The following RUNDC3B variants were observed in gnomAD, a reference collection of about 807,000 sequenced individuals.
RUNDC3B encodes the protein RUN domain-containing protein 3B.
RUNDC3B carries 33 observed loss-of-function variants against 58.4 expected under a neutral mutation model. The observed-to-expected ratio is 0.56, with a 90% CI of 0.43 to 0.75. The LOEUF (loss-of-function observed/expected upper bound fraction) is 0.75, where lower values mean the gene tolerates loss of function less well. Ranked by LOEUF, RUNDC3B falls within the 30% of genes least tolerant of loss-of-function variation. RUNDC3B has a pLI of 0.00. For missense variants in RUNDC3B, 501 were observed against 535.7 expected, an observed-to-expected ratio of 0.94 and a Z score of 0.64; for synonymous variants, 193 against 195.2, an observed-to-expected ratio of 0.99 and a Z score of 0.10.
chr7:87,739,791 G>A lies in RUNDC3B; in HGVS notation c.459G>A (p.Arg153=), dbSNP rs142112413. 1 of 1,511,372 alleles carries A rather than the reference G, an allele frequency of 6.6e-7. No homozygotes were observed. Among genetic ancestry groups the A allele is most frequent in the South Asian group, 1.2e-5 (1 of 84,164 alleles). 93.6% of individuals were successfully genotyped at this position (1,511,372 alleles called of 1,614,324 possible). The change falls in exon 5 of 11, where the codon AGG becomes AGA. Residue 153 remains arginine, a splice_region_variant and synonymous_variant. Transcript: ENST00000394654. The part of the protein sequence containing the change: ...STALRDFKTT[R]RFYEDGAIVL... ...TATATTCACCCATTTCATTTTTTAG[G>A]AGATTTTATGAAGATGGAGCAATTG...
At chr7:87,632,379 G>T (rs1821310564) in intron 1 of RUNDC3B, among the ~76,000 whole-genome samples, 1 of 152,152 alleles carries the variant, frequency 6.6e-6, no homozygotes, top group Non-Finnish European at 1.5e-5. Flanking sequence ...TTGTATATGT[G>T]TATGTAATTC....
chr7:87,740,238 C>T (rs750541654), intron 5 of RUNDC3B, among the ~76,000 whole-genome samples: 29 of 151,938 alleles, frequency 1.9e-4, no homozygotes, highest in Non-Finnish European at 3.8e-4. Context: ...AAAGTAGTTT[C>T]AAAGCCAGAA....
chr7:87,639,708 C>T (rs903576541), intron 1 of RUNDC3B, among the ~76,000 whole-genome samples: 1 of 151,988 alleles, frequency 6.6e-6, no homozygotes, highest in South Asian at 2.1e-4. Context: ...GTTATAATAG[C>T]TTTCTTTTAG....
Position 87,628,580 on chromosome 7 carries a change from C to CGTGTGTGTGTGTGTGT in RUNDC3B, c.-241_-240insTGTGTGTGTGTGTGTG, listed in dbSNP as rs1430415147. 8 of 292,474 alleles carry CGTGTGTGTGTGTGTGT rather than the reference C, an allele frequency of 2.7e-5. No individual in the cohort carries two copies. Among genetic ancestry groups the CGTGTGTGTGTGTGTGT allele is most frequent in the African/African-American group, 2.5e-4 (8 of 31,532 alleles). 18.1% of individuals were successfully genotyped at this position (292,474 alleles called of 1,614,324 possible). ...GCGCCGAGGGCGGAGGTGGTGCGTG[C>CGTGTGTGTGTGTGTGT]GTGCGTGTGTGTGTGTGTGTGTGTG... is the stretch of plus-strand genomic sequence containing the variant. On this transcript the variant is annotated 5_prime_UTR_variant, in exon 1 of 11. Transcript: ENST00000394654.
chr7:87,818,821 T>A (rs939830780), intron 10 of RUNDC3B, among the ~76,000 whole-genome samples: 2 of 152,218 alleles, frequency 1.3e-5, no homozygotes, highest in African/African-American at 4.8e-5. Context: ...AGTGTGAACA[T>A]ATGAAAACAG....
chr7:87,826,523 C>A lies in RUNDC3B; in HGVS notation c.1226-3362C>A, dbSNP rs553386807. Among the ~76,000 whole-genome samples the A allele has an allele frequency of 3.9e-3, 585 of 151,712 alleles. 2 individuals carry two copies. Among genetic ancestry groups the A allele is most frequent in the African/African-American group, 0.013 (556 of 41,324 alleles). ...ATTTGAAAGAAAACTTAATCTAAAACACTGAAGAAAAATGGGAAAACAACC... is the reference window on the plus strand; with the variant it reads ...ATTTGAAAGAAAACTTAATCTAAAAAACTGAAGAAAAATGGGAAAACAACC... On this transcript the variant is annotated intron_variant, in intron 10 of 10. Transcript: ENST00000394654.
At chr7:87,784,471 C>A (rs533826039) in intron 8 of RUNDC3B, among the ~76,000 whole-genome samples, 1 of 151,892 alleles carries the variant, frequency 6.6e-6, no homozygotes, top group South Asian at 2.1e-4. Flanking sequence ...GTTTTTGTGT[C>A]TTTTCAGAGG....
At chr7:87,758,534 A>ATTG (rs1180145241) in intron 6 of RUNDC3B, among the ~76,000 whole-genome samples, 3 of 152,354 alleles carry the variant, frequency 2.0e-5, no homozygotes, top group South Asian at 2.1e-4. Context: ...CATAGTGAAG[A>ATTG]GACAACACAC....
intron 2 of RUNDC3B, among the ~76,000 whole-genome samples, chr7:87,657,681 G>T (rs1290184987): frequency 1.3e-5 from 2 of 152,144 alleles, no homozygotes; most frequent in Non-Finnish European, 2.9e-5. Context: ...CCATACTGGG[G>T]TGGGGTCAGA....
intron 1 of RUNDC3B, among the ~76,000 whole-genome samples, chr7:87,649,305 A>G (rs547988172): frequency 6.6e-6 from 1 of 152,334 alleles, no homozygotes; most frequent in East Asian, 1.9e-4. Context: ...AATAGAGCTT[A>G]CAAATAAATC....
chr7:87,767,828 C>T (rs548364094), intron 6 of RUNDC3B, among the ~76,000 whole-genome samples: 19 of 152,278 alleles, frequency 1.2e-4, no homozygotes, highest in Non-Finnish European at 2.1e-4. Flanking sequence ...ATGCAATCAG[C>T]TTCCCTGTCA....
At chr7:87,703,121 G>A (rs533211542) in intron 3 of RUNDC3B, among the ~76,000 whole-genome samples, 4 of 152,142 alleles carry the variant, frequency 2.6e-5, no homozygotes, top group African/African-American at 9.6e-5. Flanking sequence ...GTTTTAAGAT[G>A]AAGACATAAT....
chr7:87,694,370 A>C, intron 2 of RUNDC3B, among the ~76,000 whole-genome samples: 1 of 152,138 alleles, frequency 6.6e-6, no homozygotes, highest in Non-Finnish European at 1.5e-5. Flanking sequence ...GGTAGAATGC[A>C]TGCCTTTATT....
intron 8 of RUNDC3B, among the ~76,000 whole-genome samples, chr7:87,801,609 GA>G (rs902318923): frequency 5.0e-4 from 75 of 148,798 alleles, no homozygotes; most frequent in African/African-American, 1.6e-3. Flanking sequence ...AATACAAAAA[GA>G]AAAAAAAAAT....
chr7:87,689,395 A>G (rs959344941), intron 2 of RUNDC3B, among the ~76,000 whole-genome samples: 1 of 152,140 alleles, frequency 6.6e-6, no homozygotes, highest in Non-Finnish European at 1.5e-5. Flanking sequence ...AGCAATTTGC[A>G]GTACTTGTAA....
chr7:87,759,005 T>G (rs984113132), intron 6 of RUNDC3B, among the ~76,000 whole-genome samples: 1 of 152,106 alleles, frequency 6.6e-6, no homozygotes, highest in Non-Finnish European at 1.5e-5. Context: ...AGGAAATCAG[T>G]AAGTATATGA....
intron 1 of RUNDC3B, among the ~76,000 whole-genome samples, chr7:87,640,510 A>AT (rs947026056): frequency 2.6e-4 from 39 of 149,576 alleles, no homozygotes; most frequent in African/African-American, 7.1e-4. Flanking sequence ...CACCCAGCTA[A>AT]TTTTTTTTTT....
chr7:87,747,392 G>T (rs753383615), intron 6 of RUNDC3B, among the ~76,000 whole-genome samples: 1 of 152,164 alleles, frequency 6.6e-6, no homozygotes, highest in Non-Finnish European at 1.5e-5. Flanking sequence ...GGGGGTGAGG[G>T]GTTGCAATGG....
intron 2 of RUNDC3B, among the ~76,000 whole-genome samples, chr7:87,663,965 T>G (rs1824970989): frequency 6.6e-6 from 1 of 152,142 alleles, no homozygotes; most frequent in Non-Finnish European, 1.5e-5. Context: ...TTCACCTTAA[T>G]TAACTCCTTA....
Sources: allele counts gnomAD v4.1 joint callset (sites outside exome capture counted in the v4.1 genomes callset), GRCh38; gene constraint gnomAD v4.1.1; transcripts MANE v1.5; gene names NCBI Gene and HGNC (gene_info 2026-07-23, HGNC 2026-07-21).